Variants in B3GNT4 observed in about 807,000 individuals in gnomAD.
B3GNT4 encodes UDP-GlcNAc:betaGal beta-1,3-N-acetylglucosaminyltransferase 4.
A neutral mutation model predicts 2.7 loss-of-function variants in B3GNT4; 2 were observed. That is an observed-to-expected ratio of 0.73 (90% CI 0.30 to 2.31). The LOEUF (loss-of-function observed/expected upper bound fraction) is 2.31, where lower values mean the gene tolerates loss of function less well. B3GNT4 is among the 30% of genes most tolerant of loss of function. The pLI is 0.12. For missense variants in B3GNT4, 708 were observed against 490.9 expected, an observed-to-expected ratio of 1.44 and a Z score of -4.18; for synonymous variants, 280 against 203.4, an observed-to-expected ratio of 1.38 and a Z score of -3.20.
rs771598999 is a variant in B3GNT4 at position 122,206,559 on chromosome 12, GA to G, written c.311del (p.Asn104IlefsTer50). ...CTCTTCTTGACCTATCGTCACTGCC[GA>G]AATTTCTCTATCTTGCTGGAGCCTT... Reference protein sequence around the residue: ...HRLFLTYRHCRNFSILLEPSG... With the variant: ...HRLFLTYRHCXNFSILLEPSG... On this transcript the variant is annotated frameshift_variant, in exon 3 of 3. Coordinates refer to ENST00000324189, the MANE Select transcript of B3GNT4 (RefSeq NM_030765.4). LOFTEE classifies it low-confidence loss of function (END_TRUNC). The G allele has an allele frequency of 1.2e-6, 2 of 1,614,196 alleles. No homozygotes were observed. The highest frequency in any genetic ancestry group is 3.3e-5 in the Admixed American group (2 of 60,018).
At position 122,207,374 on chromosome 12, in the gene B3GNT4, A is replaced by G; in HGVS notation, c.1123A>G (p.Ile375Val). 4.5e-6 allele frequency: 7 copies of G among 1,568,816 alleles called. No homozygotes were observed. The highest frequency in any genetic ancestry group is 6.1e-6 in the Non-Finnish European group (7 of 1,156,640). The stretch of plus-strand genomic sequence containing the variant: ...GGGGCTCAAGTGTGCAGCTGGCCCC[A>G]TACCCCAGCGCTGAAGGGTGGGTTG... Reference protein sequence around the residue: ...DEGLKCAAGPIPQR With the variant: ...DEGLKCAAGPVPQR Residue 375 changes from isoleucine (I) to valine (V), a missense_variant, in exon 3 of 3, where the codon ATA becomes GTA. Transcript: ENST00000324189.
In B3GNT4 at chr12:122,208,359, A is replaced by G. The variant is rs763100559; in HGVS notation, c.*971A>G. 4 of 1,610,582 alleles carry G rather than the reference A, an allele frequency of 2.5e-6. No homozygotes were observed. The South Asian group carries it at 3.3e-5, about 13-fold the overall frequency. ...CCTGCTTTCCCCACTGAGTGGGGAG[A>G]CAGGGCAGTGTGCTCAGGCCCTCAA... On this transcript the variant is annotated 3_prime_UTR_variant, in exon 3 of 3. Transcript: ENST00000324189.
chr12:122,204,539 C>T lies in B3GNT4; in HGVS notation c.-80C>T, dbSNP rs1431817456. On this transcript the variant is annotated 5_prime_UTR_variant, in exon 2 of 3. Coordinates refer to ENST00000324189, the MANE Select transcript of B3GNT4 (RefSeq NM_030765.4). Reference sequence around the variant, plus strand: ...GTCCACAGCCCGCGGTGCTCGCACACCTGAGACTCATCTCGCTTCGACCCC... The same window carrying T: ...GTCCACAGCCCGCGGTGCTCGCACATCTGAGACTCATCTCGCTTCGACCCC... The T allele has an allele frequency of 5.6e-6, 7 of 1,247,534 alleles. No homozygotes were observed. The highest frequency in any genetic ancestry group is 8.1e-6 in the Non-Finnish European group (7 of 864,062). 77.3% of individuals were successfully genotyped at this position (1,247,534 alleles called of 1,614,324 possible).
At chr12:122,204,848 C>A in intron 2 of B3GNT4, 164 bp downstream of exon 2, 1 of 615,802 alleles carries the variant, frequency 1.6e-6, no homozygotes, top group South Asian at 2.0e-5. Context: ...CAGACCAGCC[C>A]AGGCAACAAA....
In B3GNT4 at chr12:122,207,283, G is replaced by A. The variant is rs1240696169; in HGVS notation, c.1032G>A (p.Gly344=). Residue 344 remains glycine (G), a synonymous_variant, in exon 3 of 3, where the codon GGG becomes GGA. Coordinates refer to ENST00000324189, the MANE Select transcript of B3GNT4 (RefSeq NM_030765.4). ...LDPLDPCLYR[G]LLLVHRLSPL... ...CCTTAGACCCCTGCCTGTATAGGGG[G>A]CTCCTGCTGGTTCACCGCCTCAGCC... 1 of 1,613,766 alleles carries A rather than the reference G, an allele frequency of 6.2e-7. No homozygotes were observed. The highest frequency in any genetic ancestry group is 2.2e-5 in the East Asian group (1 of 44,886).
At position 122,208,032 on chromosome 12, in the gene B3GNT4, C is replaced by T; in HGVS notation, c.*644C>T. 3.8e-6 allele frequency: 2 copies of T among 523,766 alleles called. No homozygotes were observed. Among genetic ancestry groups the T allele is most frequent in the Non-Finnish European group, 7.3e-6 (2 of 273,248 alleles). The allele number at this position is 523,766 out of a possible 1,614,324, so 32.4% of individuals were successfully genotyped here. A position where few individuals can be genotyped will look rare whatever the true frequency, so the allele number is the denominator to read the frequency against. On this transcript the variant is annotated 3_prime_UTR_variant, in exon 3 of 3. Coordinates refer to ENST00000324189, the MANE Select transcript of B3GNT4 (RefSeq NM_030765.4). ...TTGACGACGTAAATAAGACTGAAAA[C>T]AGGTTAAACAGTTGCTGAACTTAAG...
rs777936616 is a variant in B3GNT4, at chr12:122,206,330, C to T, written c.79C>T (p.Leu27Phe). Residue 27 changes from leucine to phenylalanine, a missense_variant, in exon 3 of 3, where the codon CTC (leucine) becomes TTC (phenylalanine). Transcript: ENST00000324189. ...TCTCTCCTTGCAGGGACCGGCGATGCTCTGCAGGCTGTGCTGGCTGGTCTC... is the reference window on the plus strand; with the variant it reads ...TCTCTCCTTGCAGGGACCGGCGATGTTCTGCAGGCTGTGCTGGCTGGTCTC... ...SGLLPKGPAM[L>F]CRLCWLVSYS... The T allele has an allele frequency of 1.3e-6, 2 of 1,573,042 alleles. No individual in the cohort carries two copies. The highest frequency in any genetic ancestry group is 3.5e-5 in the Admixed American group (2 of 57,298).
In B3GNT4 at chr12:122,207,209, A is replaced by C; in HGVS notation, c.958A>C (p.Met320Leu). Reference protein sequence around the residue: ...MCLRRLGLSPMHHAGFKTFGI... With the variant: ...MCLRRLGLSPLHHAGFKTFGI... ...CCTGAGGCGGCTGGGGCTGAGCCCT[A>C]TGCACCATGCTGGCTTCAAGACATT... Residue 320 changes from methionine to leucine, a missense_variant, in exon 3 of 3, where the codon ATG becomes CTG. Physicochemically the swap from Met to Leu is conservative, Grantham distance 15. Coordinates refer to ENST00000324189, the MANE Select transcript of B3GNT4 (RefSeq NM_030765.4). 1 of 1,614,056 alleles carries C rather than the reference A, an allele frequency of 6.2e-7. No homozygotes were observed. The highest frequency in any genetic ancestry group is 2.2e-5 in the East Asian group (1 of 44,874).
Position 122,207,133 on chromosome 12 carries a change from C to T in B3GNT4, c.882C>T (p.Ile294=). 2 of 1,614,176 alleles carry T rather than the reference C, an allele frequency of 1.2e-6. No homozygotes were observed. The highest frequency in any genetic ancestry group is 1.7e-6 in the Non-Finnish European group (2 of 1,180,030). Residue 294 remains isoleucine, a synonymous_variant, in exon 3 of 3, where the codon ATC becomes ATT. Coordinates refer to ENST00000324189, the MANE Select transcript of B3GNT4 (RefSeq NM_030765.4). ...CCACAGTGCGGCGCCTCCAGGCTATCATGGAAGATGCTGAACTCTTCCCCA... is the reference window on the plus strand; with the variant it reads ...CCACAGTGCGGCGCCTCCAGGCTATTATGGAAGATGCTGAACTCTTCCCCA... The part of the protein sequence containing the change: ...SRATVRRLQA[I]MEDAELFPID...
chr12:122,206,186 G>A, intron 2 of B3GNT4, 132 bp from the exon 3 acceptor site: 1 of 698,284 alleles, frequency 1.4e-6, no homozygotes, highest in Non-Finnish European at 2.3e-6. Context: ...GAAAGAGCCT[G>A]AGGATACGCT....
chr12:122,204,648 C>A lies in B3GNT4; in HGVS notation c.30C>A (p.His10Gln). 1 of 1,612,028 alleles carries A rather than the reference C, an allele frequency of 6.2e-7. No homozygotes were observed. The stretch of plus-strand genomic sequence containing the variant: ...TTCCTCCCCAGCCTTCCGCAGCCCA[C>A]CAGGGAAGGGGCGGTAGGAGTGGCC... MLPPQPSAA[H>Q]QGRGGRSGLL... is the part of the protein sequence containing the mutation. The change falls in exon 2 of 3, where the codon CAC becomes CAA. Residue 10 changes from histidine to glutamine, a missense_variant. Transcript: ENST00000324189.
In B3GNT4 at chr12:122,208,480, C is replaced by G; in HGVS notation, c.*1092C>G. 1.2e-6 allele frequency: 2 copies of G among 1,614,206 alleles called. No individual in the cohort carries two copies. The highest frequency in any genetic ancestry group is 4.5e-5 in the East Asian group (2 of 44,892). ...GCTCTTCTATCTGTGCTTCTGCCAG[C>G]TTGGTTTCTGCTTTCCGGGAGAGCT... On this transcript the variant is annotated 3_prime_UTR_variant, in exon 3 of 3. Transcript: ENST00000324189.
rs140179789 is a variant in B3GNT4, at chr12:122,207,129, C to A, written c.878C>A (p.Ala293Asp). The stretch of plus-strand genomic sequence containing the variant: ...AGAGCCACAGTGCGGCGCCTCCAGG[C>A]TATCATGGAAGATGCTGAACTCTTC... The part of the protein sequence containing the change: ...MSRATVRRLQ[A>D]IMEDAELFPI... Residue 293 changes from alanine (A) to aspartate (D), a missense_variant, in exon 3 of 3, where the codon GCT becomes GAT. Physicochemically the swap from Ala to Asp is moderately radical, Grantham distance 126. Coordinates refer to ENST00000324189, the MANE Select transcript of B3GNT4 (RefSeq NM_030765.4). 2.7e-5 allele frequency: 43 copies of A among 1,614,150 alleles called. 1 individual carries two copies. The highest frequency in any genetic ancestry group is 5.0e-5 in the Admixed American group (3 of 60,030).
chr12:122,207,283 G>T lies in B3GNT4; in HGVS notation c.1032G>T (p.Gly344=), dbSNP rs1240696169. 6.2e-7 allele frequency: 1 copy of T among 1,613,884 alleles called. No homozygotes were observed. The highest frequency in any genetic ancestry group is 8.5e-7 in the Non-Finnish European group (1 of 1,179,878). Residue 344 remains glycine, a synonymous_variant, in exon 3 of 3, where the codon GGG becomes GGT. Coordinates refer to ENST00000324189, the MANE Select transcript of B3GNT4 (RefSeq NM_030765.4). ...CCTTAGACCCCTGCCTGTATAGGGG[G>T]CTCCTGCTGGTTCACCGCCTCAGCC... ...LDPLDPCLYR[G]LLLVHRLSPL... is the part of the protein sequence containing the mutation.
In B3GNT4 at chr12:122,208,393, CAGGT is replaced by C. The variant is rs754515684; in HGVS notation, c.*1009_*1012del. Reference sequence around the variant, plus strand: ...TGTGCTCAGGCCCTCAATCCTCACGCAGGTAGGCCTCCTGCTCCGACTCAGCCCG... The same window carrying C: ...TGTGCTCAGGCCCTCAATCCTCACGCAGGCCTCCTGCTCCGACTCAGCCCG... On this transcript the variant is annotated 3_prime_UTR_variant, in exon 3 of 3. Coordinates refer to ENST00000324189, the MANE Select transcript of B3GNT4 (RefSeq NM_030765.4). 4 of 1,612,526 alleles carry C rather than the reference CAGGT, an allele frequency of 2.5e-6. No homozygotes were observed. The highest frequency in any genetic ancestry group is 3.4e-6 in the Non-Finnish European group (4 of 1,180,014).
chr12:122,208,597 T>A lies in B3GNT4; in HGVS notation c.*1209T>A, dbSNP rs535135642. On this transcript the variant is annotated 3_prime_UTR_variant, in exon 3 of 3. Transcript: ENST00000324189. ...CTGCGCCTGCCAAAAGATGGGACAA[T>A]CGGGTTGAGCAGCCGTGCAGGGCGC... The A allele has an allele frequency of 6.2e-7, 1 of 1,609,674 alleles. No homozygotes were observed. The highest frequency in any genetic ancestry group is 1.7e-5 in the Admixed American group (1 of 59,890).
chr12:122,204,378 G>T, intron 1 of B3GNT4, 144 bp from the exon 2 acceptor site: 1 of 399,546 alleles, frequency 2.5e-6, no homozygotes, highest in Non-Finnish European at 4.5e-6. Flanking sequence ...TGCGGCCAGC[G>T]CCTGGGGACG....
rs76277635 is a variant in B3GNT4, at chr12:122,208,019, A to G, written c.*631A>G. ...TACTAAATCATTTTTGACGACGTAA[A>G]TAAGACTGAAAACAGGTTAAACAGT... On this transcript the variant is annotated 3_prime_UTR_variant, in exon 3 of 3. Transcript: ENST00000324189. The G allele has an allele frequency of 0.017, 8,646 of 502,454 alleles. 520 individuals carry two copies. The highest frequency in any genetic ancestry group is 0.14 in the African/African-American group (7,202 of 51,898). The allele number at this position is 502,454 out of a possible 1,614,324, so 31.1% of individuals were successfully genotyped here. A position where few individuals can be genotyped will look rare whatever the true frequency, so the allele number is the denominator to read the frequency against.
rs746197306 is a variant in B3GNT4, at chr12:122,208,713, T to C, written c.*1325T>C. 3 of 845,976 alleles carry C rather than the reference T, an allele frequency of 3.5e-6. No individual in the cohort carries two copies. Among genetic ancestry groups the C allele is most frequent in the African/African-American group, 3.3e-5 (2 of 59,708 alleles). The allele number at this position is 845,976 out of a possible 1,614,324, so 52.4% of individuals were successfully genotyped here. On this transcript the variant is annotated 3_prime_UTR_variant, in exon 3 of 3. Transcript: ENST00000324189. ...CTTTCCTTGACCTCCCTGTCTTCTCTCTCTGCAAAGAAACTTCCACCTCTA... is the reference window on the plus strand; with the variant it reads ...CTTTCCTTGACCTCCCTGTCTTCTCCCTCTGCAAAGAAACTTCCACCTCTA...
Sources: gnomAD v4.1 joint callset for allele counts on GRCh38, gnomAD v4.1.1 for gene constraint, MANE v1.5 for transcripts, NCBI Gene and HGNC (gene_info 2026-07-23, HGNC 2026-07-21) for gene names.